ITPR3: variants seen among roughly 807,000 people sequenced by gnomAD.
ITPR3 encodes inositol 1,4,5-trisphosphate-gated calcium channel ITPR3.
ITPR3 carries 173 observed loss-of-function variants against 293.2 expected under a neutral mutation model. That is an observed-to-expected ratio of 0.59 (90% CI 0.52 to 0.67). The LOEUF (loss-of-function observed/expected upper bound fraction) is 0.67. Among genes scored for constraint, ITPR3 ranks in the 30% least tolerant of loss-of-function variants. The pLI is 0.00. For missense variants in ITPR3, 2,796 were observed against 3,592.1 expected, an observed-to-expected ratio of 0.78 and a Z score of 5.66; for synonymous variants, 1,295 against 1,444.4, an observed-to-expected ratio of 0.90 and a Z score of 2.35.
In ITPR3 at chr6:33,675,708, T is replaced by A; in HGVS notation, c.3134T>A (p.Leu1045Gln). Residue 1045 changes from leucine to glutamine, a missense_variant, in exon 25 of 58, where the codon CTG becomes CAG. Physicochemically the swap from Leu to Gln is moderately radical, Grantham distance 113. This residue lies in a region of ITPR3 where 955 missense variants were observed against 1,180.8 expected (regional missense o/e 0.81). Coordinates refer to ENST00000605930, the MANE Select transcript of ITPR3 (RefSeq NM_002224.4). This position sits in a 1 kb window ranked among gnomAD's most constrained non-coding sequence, Gnocchi z 5.0. ...GCCCGCAGGAAGACAAGCAGCATGC[T>A]GGAGGTGGATGACGAGGGCGGCCGC... ...MFGVGKTSSM[L>Q]EVDDEGGRMF... 1 of 1,606,552 alleles carries A rather than the reference T, an allele frequency of 6.2e-7. No homozygotes were observed. The highest frequency in any genetic ancestry group is 8.5e-7 in the Non-Finnish European group (1 of 1,176,028).
rs1376219822 is a variant in ITPR3 at position 33,683,519 on chromosome 6, A to C, written c.4788+122A>C. Reference sequence around the variant, plus strand: ...TCCTGTCCTGCCCACACTTCCAGGAAGGGGCTGGTTGGCTTCTCTACACTC... The same window carrying C: ...TCCTGTCCTGCCCACACTTCCAGGACGGGGCTGGTTGGCTTCTCTACACTC... On this transcript the variant is annotated intron_variant, in intron 35 of 57. Transcript: ENST00000605930. This position sits in a 1 kb window ranked among gnomAD's most constrained non-coding sequence, Gnocchi z 4.5. 1.1e-6 allele frequency: 1 copy of C among 894,794 alleles called. No individual in the cohort carries two copies. Among genetic ancestry groups the C allele is most frequent in the Admixed American group, 3.2e-5 (1 of 30,914 alleles). 55.4% of individuals were successfully genotyped at this position (894,794 alleles called of 1,614,324 possible). A position where few individuals can be genotyped will look rare whatever the true frequency, so the allele number is the denominator to read the frequency against.
Position 33,658,947 on chromosome 6 carries a change from A to G in ITPR3, c.529-74A>G. 6.2e-7 allele frequency: 1 copy of G among 1,600,292 alleles called. No individual in the cohort carries two copies. The highest frequency in any genetic ancestry group is 1.7e-5 in the Admixed American group (1 of 59,812). On this transcript the variant is annotated intron_variant, in intron 5 of 57. Transcript: ENST00000605930. This position sits in a 1 kb window ranked among gnomAD's most constrained non-coding sequence, Gnocchi z 6.1. ...TTTCTTAGAAGGGCAGACTGAGACC[A>G]AAGGGAGGCCTGGAGGCGTGGTGAC... is the stretch of plus-strand genomic sequence containing the variant.
Position 33,687,284 on chromosome 6 carries a change from G to A in ITPR3, c.6134G>A (p.Ser2045Asn). ...QEEERENSEV[S>N]PREVGHNIYI... ...GAAGAGCGTGAGAACTCGGAGGTGA[G>A]CCCACGTGAAGTGGGCCATAACATC... Residue 2045 changes from serine to asparagine, a missense_variant, in exon 45 of 58, where the codon AGC (serine) becomes AAC (asparagine). Around this residue, in one of 8 missense-constraint regions of ITPR3, gnomAD observed 704 missense variants for 797.5 expected, o/e 0.88. Transcript: ENST00000605930. This position sits in a 1 kb window ranked among gnomAD's most constrained non-coding sequence, Gnocchi z 5.3. 6.2e-7 allele frequency: 1 copy of A among 1,613,768 alleles called. No individual in the cohort carries two copies. The highest frequency in any genetic ancestry group is 1.1e-5 in the South Asian group (1 of 91,066).
At position 33,667,619 on chromosome 6, in the gene ITPR3, T is replaced by G; in HGVS notation, c.1714-173T>G. The stretch of plus-strand genomic sequence containing the variant: ...GGTGGGAAACAGCCCACAAGCTAAA[T>G]AACTATGTAATGTAAGCCACTCTTC... On this transcript the variant is annotated intron_variant, in intron 15 of 57. Coordinates refer to ENST00000605930, the MANE Select transcript of ITPR3 (RefSeq NM_002224.4). The surrounding 1 kb of genome is among the most constrained non-coding windows in gnomAD (Gnocchi z 4.4). Among the ~76,000 whole-genome samples, 1 of 151,946 alleles carries G rather than the reference T, an allele frequency of 6.6e-6. No individual in the cohort carries two copies. The highest frequency in any genetic ancestry group is 1.9e-4 in the East Asian group (1 of 5,196).
Position 33,691,189 on chromosome 6 carries a change from C to A in ITPR3, c.7225+80C>A. The A allele has an allele frequency of 7.1e-7, 1 of 1,400,822 alleles. No homozygotes were observed. The highest frequency in any genetic ancestry group is 1.0e-6 in the Non-Finnish European group (1 of 1,000,664). The allele number at this position is 1,400,822 out of a possible 1,614,324, so 86.8% of individuals were successfully genotyped here. ...AAATGTCTGGCGTCAGGACCAGGAC[C>A]TGCAGCGCTTACCTCACCAGGCTCC... On this transcript the variant is annotated intron_variant, in intron 52 of 57. Coordinates refer to ENST00000605930, the MANE Select transcript of ITPR3 (RefSeq NM_002224.4). The surrounding 1 kb of genome is among the most constrained non-coding windows in gnomAD (Gnocchi z 4.9).
At position 33,659,449 on chromosome 6, in the gene ITPR3, T is replaced by C. The variant is rs1309270987; in HGVS notation, c.628-17T>C. ...TGGGGTCCACCTGGCGTCACGGGTCTTGTCACCCTTCCGCAGGTCAATTCT... is the reference window on the plus strand; with the variant it reads ...TGGGGTCCACCTGGCGTCACGGGTCCTGTCACCCTTCCGCAGGTCAATTCT... On this transcript the variant is annotated splice_polypyrimidine_tract_variant and intron_variant, in intron 6 of 57. Coordinates refer to ENST00000605930, the MANE Select transcript of ITPR3 (RefSeq NM_002224.4). The C allele has an allele frequency of 6.2e-7, 1 of 1,613,094 alleles. No individual in the cohort carries two copies. The highest frequency in any genetic ancestry group is 8.5e-7 in the Non-Finnish European group (1 of 1,179,296).
At position 33,621,430 on chromosome 6, in the gene ITPR3, C is replaced by T. The variant is rs1582089631; in HGVS notation, c.-173C>T. Reference sequence around the variant, plus strand: ...TCCTCACCCGGACCCCGGGCCCCGCCGAGCCGCCTCCTGGCTCCCGTGGCC... The same window carrying T: ...TCCTCACCCGGACCCCGGGCCCCGCTGAGCCGCCTCCTGGCTCCCGTGGCC... On this transcript the variant is annotated 5_prime_UTR_variant, in exon 1 of 58. Coordinates refer to ENST00000605930, the MANE Select transcript of ITPR3 (RefSeq NM_002224.4). This position sits in a 1 kb window ranked among gnomAD's most constrained non-coding sequence, Gnocchi z 7.7. The T allele has an allele frequency of 4.3e-6, 2 of 460,930 alleles. No individual in the cohort carries two copies. The highest frequency in any genetic ancestry group is 7.6e-6 in the Non-Finnish European group (2 of 262,042). The allele number at this position is 460,930 out of a possible 1,614,324, so 28.6% of individuals were successfully genotyped here. A position where few individuals can be genotyped will look rare whatever the true frequency, so the allele number is the denominator to read the frequency against.
chr6:33,640,393 C>G, intron 1 of ITPR3, 91 bp from the exon 2 acceptor site: 1 of 1,198,422 alleles, frequency 8.3e-7, no homozygotes. Context: ...TAGGGGCTCA[C>G]TGGTACCCTG....
Position 33,693,671 on chromosome 6 carries a change from C to A in ITPR3, c.7751C>A (p.Thr2584Lys). Residue 2584 changes from threonine (T) to lysine (K), a missense_variant, in exon 56 of 58, where the codon ACG (threonine) becomes AAG (lysine). Thr to Lys is a moderately conservative substitution (Grantham distance 78). Transcript: ENST00000605930. The part of the protein sequence containing the change: ...LVRVKNKTDY[T>K]GPESYVAQMI... The stretch of plus-strand genomic sequence containing the variant: ...CGCGTGAAGAACAAGACCGACTACA[C>A]GGGCCCTGAGAGCTACGTGGCCCAG... 1 of 1,614,172 alleles carries A rather than the reference C, an allele frequency of 6.2e-7. No homozygotes were observed. The highest frequency in any genetic ancestry group is 8.5e-7 in the Non-Finnish European group (1 of 1,180,012).
At chr6:33,668,437 A>T in intron 16 of ITPR3, 78 bp from the exon 17 acceptor site, 1 of 1,584,614 alleles carries the variant, frequency 6.3e-7, no homozygotes, top group Non-Finnish European at 8.6e-7. Context: ...CCAGCTGGGG[A>T]AGGGGAAGGG....
In ITPR3 at chr6:33,691,164, A is replaced by T; in HGVS notation, c.7225+55A>T. On this transcript the variant is annotated intron_variant, in intron 52 of 57. Coordinates refer to ENST00000605930, the MANE Select transcript of ITPR3 (RefSeq NM_002224.4). This position sits in a 1 kb window ranked among gnomAD's most constrained non-coding sequence, Gnocchi z 4.9. ...TGTGGGGAATGAGGTTGGGTCTCAC[A>T]AATGTCTGGCGTCAGGACCAGGACC... 1.3e-6 allele frequency: 2 copies of T among 1,567,406 alleles called. No homozygotes were observed. Among genetic ancestry groups the T allele is most frequent in the Non-Finnish European group, 1.8e-6 (2 of 1,141,180 alleles).
chr6:33,690,231 G>A (rs755028112), intron 51 of ITPR3, 33 bp downstream of exon 51: 81 of 1,598,722 alleles, frequency 5.1e-5, no homozygotes, highest in Non-Finnish European at 6.6e-5. Flanking sequence ...GGGCTGGATG[G>A]GGGCATGGGG....
intron 2 of ITPR3, among the ~76,000 whole-genome samples, chr6:33,641,802 C>T (rs1005758090): frequency 4.4e-4 from 67 of 152,164 alleles, no homozygotes; most frequent in African/African-American, 1.6e-3. Context: ...CAAATATCCA[C>T]GCAGCCCAGA....
At position 33,685,739 on chromosome 6, in the gene ITPR3, G is replaced by A. The variant is rs570068387; in HGVS notation, c.5579G>A (p.Ser1860Asn). 1.2e-6 allele frequency: 2 copies of A among 1,608,976 alleles called. No individual in the cohort carries two copies. The highest frequency in any genetic ancestry group is 1.7e-5 in the Admixed American group (1 of 59,776). Residue 1860 changes from serine (S) to asparagine (N), a missense_variant, in exon 41 of 58, where the codon AGC becomes AAC. Coordinates refer to ENST00000605930, the MANE Select transcript of ITPR3 (RefSeq NM_002224.4). ...RGHEVSERVQ[S>N]SEMGTSVLIM... Reference sequence around the variant, plus strand: ...CACGAGGTGAGCGAACGTGTGCAGAGCAGTGAGATGGGCACATCCGTGCTC... The same window carrying A: ...CACGAGGTGAGCGAACGTGTGCAGAACAGTGAGATGGGCACATCCGTGCTC...
At position 33,663,525 on chromosome 6, in the gene ITPR3, C is replaced by T. The variant is rs776231334; in HGVS notation, c.980C>T (p.Ala327Val). The T allele has an allele frequency of 7.5e-6, 12 of 1,605,832 alleles. No homozygotes were observed. The East Asian group carries it at 2.5e-4, about 33-fold the overall frequency. The change falls in exon 10 of 58, where the codon GCC becomes GTC. Residue 327 changes from alanine to valine, a missense_variant. Physicochemically the swap from Ala to Val is moderately conservative, Grantham distance 64. Around this residue, in one of 8 missense-constraint regions of ITPR3, gnomAD observed 955 missense variants for 1,180.8 expected, o/e 0.81. Coordinates refer to ENST00000605930, the MANE Select transcript of ITPR3 (RefSeq NM_002224.4). ...AEENPSYKGD[A>V]SDPKAAGMGA... ...GAGAACCCCAGTTACAAAGGTGATG[C>T]CTCAGATCCCAAGGCAGCAGGAATG...
At position 33,684,698 on chromosome 6, in the gene ITPR3, AC is replaced by A. The variant is rs754839011; in HGVS notation, c.5137+12del. On this transcript the variant is annotated intron_variant, in intron 38 of 57. Coordinates refer to ENST00000605930, the MANE Select transcript of ITPR3 (RefSeq NM_002224.4). This position sits in a 1 kb window ranked among gnomAD's most constrained non-coding sequence, Gnocchi z 4.2. ...GACCCCATAGGCACTGGTCAGTATC[AC>A]CTTCCCCTGCCCCCGGGCCCTCCCT... 6.2e-7 allele frequency: 1 copy of A among 1,613,278 alleles called. No homozygotes were observed. The highest frequency in any genetic ancestry group is 1.3e-5 in the African/African-American group (1 of 74,866).
chr6:33,686,564 T>C, intron 43 of ITPR3, 45 bp downstream of exon 43: 1 of 1,341,406 alleles, frequency 7.5e-7, no homozygotes, highest in South Asian at 1.2e-5. Context: ...GTGCATGTGA[T>C]GTGCATGCAT....
At position 33,686,601 on chromosome 6, in the gene ITPR3, A is replaced by G. The variant is rs4640882; in HGVS notation, c.5979+82A>G. ...TATGTGTGACTTGTGTGTCAAGTGTACATAGTGGTGTGTAATGTGGGTGTT... is the reference window on the plus strand; with the variant it reads ...TATGTGTGACTTGTGTGTCAAGTGTGCATAGTGGTGTGTAATGTGGGTGTT... On this transcript the variant is annotated intron_variant, in intron 43 of 57. Coordinates refer to ENST00000605930, the MANE Select transcript of ITPR3 (RefSeq NM_002224.4). The G allele has an allele frequency of 0.99, 1,060,681 of 1,073,376 alleles. 524,229 individuals are homozygous for G. The highest frequency in any genetic ancestry group is 1 in the East Asian group (42,275 of 42,306). The allele number at this position is 1,073,376 out of a possible 1,614,324, so 66.5% of individuals were successfully genotyped here. A position where few individuals can be genotyped will look rare whatever the true frequency, so the allele number is the denominator to read the frequency against.
At chr6:33,631,334 T>C (rs900413225) in intron 1 of ITPR3, among the ~76,000 whole-genome samples, 1 of 152,202 alleles carries the variant, frequency 6.6e-6, no homozygotes, top group African/African-American at 2.4e-5. Context: ...CTGATATTTA[T>C]TGCATACAAG....
Sources: allele counts gnomAD v4.1 joint callset (sites outside exome capture counted in the v4.1 genomes callset), GRCh38; gene constraint gnomAD v4.1.1; regional missense constraint gnomAD v4.1.1; non-coding constraint Gnocchi (gnomAD v3.1); transcripts MANE v1.5; gene names NCBI Gene and HGNC (gene_info 2026-07-23, HGNC 2026-07-21).